The following RGS3 variants were observed in gnomAD, a reference collection of about 807,000 sequenced individuals.
RGS3 encodes the protein regulator of G-protein signalling 3.
In RGS3, 80 loss-of-function variants were observed where a neutral mutation model predicts 132.6. That is an observed-to-expected ratio of 0.60 (90% confidence interval 0.50 to 0.73). RGS3 has a LOEUF of 0.73. RGS3 is among the 30% of genes least tolerant of loss of function. The probability of loss-of-function intolerance (pLI) is 0.00; values close to 1 mark genes in which losing one functional copy is unlikely to be tolerated. For missense variants in RGS3, 1,382 were observed against 1,530.8 expected, an observed-to-expected ratio of 0.90 and a Z score of 1.62; for synonymous variants, 598 against 620.6, an observed-to-expected ratio of 0.96 and a Z score of 0.54.
At chr9:113,489,644 C>G (rs1280276271) in intron 7 of RGS3, among the ~76,000 whole-genome samples, 1 of 152,066 alleles carries the variant, frequency 6.6e-6, no homozygotes, top group African/African-American at 2.4e-5. Flanking sequence ...CAGCCTCAGC[C>G]TCCTGAGTAG....
intron 20 of RGS3, chr9:113,589,169 C>T (rs1025983400): frequency 2.0e-5 from 3 of 152,204 alleles, no homozygotes; most frequent in African/African-American, 7.2e-5. Flanking sequence ...AAGGAGAATC[C>T]CTTTGGAGGG....
intron 18 of RGS3, among the ~76,000 whole-genome samples, chr9:113,535,305 C>A (rs1197789901): frequency 6.6e-6 from 1 of 152,144 alleles, no homozygotes; most frequent in Admixed American, 6.5e-5. Flanking sequence ...TCCTGAGCAG[C>A]TGGGATTACA....
chr9:113,595,682 A>C (rs775620029), exon 24 of RGS3: 1 of 1,614,186 alleles, frequency 6.2e-7, no homozygotes, highest in Non-Finnish European at 8.5e-7. Flanking sequence ...TGAGGACTTC[A>C]AGAAGGTCAA....
chr9:113,522,140 C>T (rs968921140), intron 16 of RGS3: 1 of 152,140 alleles, frequency 6.6e-6, no homozygotes, highest in African/African-American at 2.4e-5. Context: ...TAAGAATAGC[C>T]TCTGCCTTTA....
chr9:113,461,652 G>T lies in RGS3; in HGVS notation c.81-55G>T, dbSNP rs1253243830. On this transcript the variant is annotated intron_variant, in intron 1 of 24. Transcript: ENST00000350696. The stretch of plus-strand genomic sequence containing the variant: ...GGACCTACAAAGCAGTAGAATCTTT[G>T]TTCCCATTACCGGGTGTAAGTGCCC... 5.8e-6 allele frequency: 9 copies of T among 1,555,556 alleles called. No homozygotes were observed. In the East Asian group the frequency reaches 2.0e-4, roughly 35 times the overall value.
At chr9:113,541,892 T>G in intron 19 of RGS3, 1 of 983,800 alleles carries the variant, frequency 1.0e-6, no homozygotes, top group Non-Finnish European at 1.2e-6. Context: ...TTCGGGTGCA[T>G]CTACTTTATG....
intron 19 of RGS3, among the ~76,000 whole-genome samples, chr9:113,578,105 G>A (rs10217341): frequency 0.075 from 11,481 of 152,268 alleles, 552 homozygotes; most frequent in Non-Finnish European, 0.096. Context: ...AGCGATTGTG[G>A]CCTGGGGAGT....
chr9:113,566,798 A>G (rs978607922), intron 19 of RGS3, among the ~76,000 whole-genome samples: 1 of 152,244 alleles, frequency 6.6e-6, no homozygotes, highest in African/African-American at 2.4e-5. Flanking sequence ...GAGTGGGTAC[A>G]TCTCCTCAAG....
chr9:113,471,886 C>T (rs1237284279), intron 3 of RGS3, among the ~76,000 whole-genome samples: 1 of 152,116 alleles, frequency 6.6e-6, no homozygotes, highest in African/African-American at 2.4e-5. Context: ...CAGCTGGCTT[C>T]CTTCTAGGCA....
intron 21 of RGS3, chr9:113,593,699 G>C (rs1014968601): frequency 3.5e-6 from 2 of 577,594 alleles, no homozygotes; most frequent in Non-Finnish European, 6.2e-6. Flanking sequence ...AAAGAGGGGC[G>C]AACATGAGCA....
intron 23 of RGS3, 101 bp from the exon 22 acceptor site, chr9:113,595,498 C>T (rs923191242): frequency 4.5e-6 from 6 of 1,340,660 alleles, no homozygotes; most frequent in Non-Finnish European, 6.2e-6. Flanking sequence ...ACTCAGCTCC[C>T]AGCACGCCCA....
intron 19 of RGS3, among the ~76,000 whole-genome samples, chr9:113,545,224 G>A (rs923963900): frequency 6.6e-6 from 1 of 152,216 alleles, no homozygotes; most frequent in Non-Finnish European, 1.5e-5. Context: ...AGGCAGAGAG[G>A]TATAGCTTCA....
intron 3 of RGS3, among the ~76,000 whole-genome samples, chr9:113,469,560 G>A (rs949130232): frequency 2.0e-5 from 3 of 151,932 alleles, no homozygotes; most frequent in Admixed American, 1.3e-4. Context: ...AGACAGAAAA[G>A]TGTCCCCCCA....
At chr9:113,451,849 A>C (rs969751611) in intron 1 of RGS3, among the ~76,000 whole-genome samples, 1 of 151,886 alleles carries the variant, frequency 6.6e-6, no homozygotes, top group Non-Finnish European at 1.5e-5. Context: ...ATTTTCCCAC[A>C]ACTTGAAAGA....
intron 20 of RGS3, among the ~76,000 whole-genome samples, chr9:113,587,710 C>T (rs1835189614): frequency 6.6e-6 from 1 of 152,220 alleles, no homozygotes; most frequent in African/African-American, 2.4e-5. Context: ...GCAATTTCTA[C>T]TGTGAGTAGG....
At chr9:113,554,968 A>T (rs1833508427) in intron 19 of RGS3, among the ~76,000 whole-genome samples, 1 of 152,170 alleles carries the variant, frequency 6.6e-6, no homozygotes, top group Non-Finnish European at 1.5e-5. Flanking sequence ...TTTTAAATTC[A>T]TCTGCAATTA....
chr9:113,515,011 T>C (rs952579408), intron 15 of RGS3, among the ~76,000 whole-genome samples: 3 of 152,218 alleles, frequency 2.0e-5, no homozygotes, highest in Non-Finnish European at 4.4e-5. Context: ...AGTGGTTTTT[T>C]ATTTGAAAAT....
chr9:113,564,759 G>A (rs1028684073), intron 19 of RGS3, among the ~76,000 whole-genome samples: 8 of 152,216 alleles, frequency 5.3e-5, no homozygotes, highest in Admixed American at 1.3e-4. Context: ...GCAGAGTTTA[G>A]CATTCAAAGA....
intron 16 of RGS3, 105 bp from the exon 15 acceptor site, chr9:113,522,825 A>C: frequency 1.3e-6 from 1 of 773,270 alleles, no homozygotes; most frequent in Non-Finnish European, 2.4e-6. Flanking sequence ...ATGAGGATGC[A>C]TTATCTGGGG....
Sources: allele counts gnomAD v4.1 joint callset (sites outside exome capture counted in the v4.1 genomes callset), GRCh38; gene constraint gnomAD v4.1.1; transcripts MANE v1.5; gene names NCBI Gene and HGNC (gene_info 2026-07-23, HGNC 2026-07-21).